DLG2: variants seen among roughly 807,000 people sequenced by gnomAD.
The protein encoded by DLG2 is disks large homolog 2.
In DLG2, 45 loss-of-function variants were observed where a neutral mutation model predicts 132.5. That is an observed-to-expected ratio of 0.34 (90% CI 0.27 to 0.44). The LOEUF (loss-of-function observed/expected upper bound fraction) is 0.44, where lower values mean the gene tolerates loss of function less well. DLG2 is among the 20% of genes least tolerant of loss of function. The pLI is 1.00. For synonymous variants in DLG2, 424 were observed against 419.6 expected (o/e 1.01, Z -0.13); for missense variants, 1,045 against 1,196.9 (o/e 0.87, Z 1.87).
chr11:85,009,948 C>G (rs1320729650), intron 6 of DLG2, among the ~76,000 whole-genome samples: 1 of 152,096 alleles, frequency 6.6e-6, no homozygotes, highest in Non-Finnish European at 1.5e-5. Context: ...ATCCTTTGTA[C>G]ACATGTAGGT....
At chr11:83,722,309 A>T (rs959672382) in intron 18 of DLG2, among the ~76,000 whole-genome samples, 11 of 152,178 alleles carry the variant, frequency 7.2e-5, no homozygotes, top group Non-Finnish European at 1.6e-4. Flanking sequence ...AAGCATAAGA[A>T]GACATGGTCC....
At chr11:85,361,040 C>CT (rs1158469059) in intron 3 of DLG2, among the ~76,000 whole-genome samples, 2 of 152,050 alleles carry the variant, frequency 1.3e-5, no homozygotes, top group African/African-American at 4.8e-5. Flanking sequence ...AAATCTTCTT[C>CT]TTTTTTATGG....
At chr11:84,138,647 A>T (rs531105972) in intron 9 of DLG2, among the ~76,000 whole-genome samples, 3 of 152,192 alleles carry the variant, frequency 2.0e-5, no homozygotes, top group Non-Finnish European at 4.4e-5. Flanking sequence ...ACATACTACA[A>T]CTAGGAAACA....
chr11:84,027,799 C>A (rs2095578424), intron 11 of DLG2, among the ~76,000 whole-genome samples: 1 of 152,098 alleles, frequency 6.6e-6, no homozygotes, highest in Middle Eastern at 3.4e-3. Flanking sequence ...TCCTTCATGG[C>A]AGTTCAGAGT....
chr11:84,116,114 G>A (rs566903273), intron 9 of DLG2, among the ~76,000 whole-genome samples: 1 of 152,326 alleles, frequency 6.6e-6, no homozygotes, highest in East Asian at 1.9e-4. Flanking sequence ...CAGTGCAAGA[G>A]CACTGGCAAG....
At chr11:84,488,974 C>T (rs888140913) in intron 7 of DLG2, among the ~76,000 whole-genome samples, 13 of 152,156 alleles carry the variant, frequency 8.5e-5, no homozygotes, top group African/African-American at 1.7e-4. Context: ...TGAGATCTAA[C>T]TCACCACAAC....
intron 6 of DLG2, among the ~76,000 whole-genome samples, chr11:84,920,901 A>G (rs1021583175): frequency 5.3e-5 from 8 of 152,150 alleles, no homozygotes; most frequent in African/African-American, 1.9e-4. Context: ...TGCAGAGAAA[A>G]AAAAGACGAA....
intron 10 of DLG2, among the ~76,000 whole-genome samples, chr11:84,062,586 A>G (rs904347507): frequency 2.6e-5 from 4 of 152,216 alleles, no homozygotes; most frequent in Admixed American, 2.6e-4. Flanking sequence ...AACAATTTAT[A>G]AAGTATGGAT....
At chr11:83,871,051 G>A (rs902442678) in intron 16 of DLG2, among the ~76,000 whole-genome samples, 1 of 152,204 alleles carries the variant, frequency 6.6e-6, no homozygotes, top group African/African-American at 2.4e-5. Context: ...CTGTTGCAAA[G>A]AAATATAATG....
At chr11:84,414,558 TC>T (rs2098922274) in intron 7 of DLG2, among the ~76,000 whole-genome samples, 1 of 152,200 alleles carries the variant, frequency 6.6e-6, no homozygotes, top group Admixed American at 6.5e-5. Flanking sequence ...CTGAACGTTT[TC>T]CTCCCTAGAT....
At chr11:83,753,835 GATATATA>G (rs1566831597) in intron 18 of DLG2, among the ~76,000 whole-genome samples, 1 of 18,350 alleles carries the variant, frequency 5.4e-5, no homozygotes, top group African/African-American at 6.0e-4. Flanking sequence ...ATATATATAT[GATATATA>G]TCATATATAT....
intron 14 of DLG2, among the ~76,000 whole-genome samples, chr11:83,946,451 T>C (rs914755333): frequency 2.0e-5 from 3 of 152,192 alleles, no homozygotes; most frequent in Admixed American, 6.5e-5. Flanking sequence ...AGATCTGGCA[T>C]GGGGCTAAGG....
At chr11:84,355,707 T>C (rs1443793006) in intron 7 of DLG2, among the ~76,000 whole-genome samples, 2 of 152,026 alleles carry the variant, frequency 1.3e-5, no homozygotes, top group Admixed American at 1.3e-4. Context: ...GAATCAGAAA[T>C]TTTAAAAAAA....
At chr11:84,149,321 G>C (rs2095211776) in intron 9 of DLG2, among the ~76,000 whole-genome samples, 1 of 151,908 alleles carries the variant, frequency 6.6e-6, no homozygotes, top group Non-Finnish European at 1.5e-5. Context: ...GTATTTCTTG[G>C]GCTTTCTTTT....
chr11:85,491,328 A>C (rs1244006661), intron 3 of DLG2, among the ~76,000 whole-genome samples: 1 of 152,172 alleles, frequency 6.6e-6, no homozygotes, highest in East Asian at 1.9e-4. Flanking sequence ...AATAGGAAAA[A>C]GATGAAAGCA....
chr11:85,425,638 A>G (rs1036516621), intron 3 of DLG2, among the ~76,000 whole-genome samples: 6 of 152,140 alleles, frequency 3.9e-5, no homozygotes, highest in Non-Finnish European at 7.3e-5. Flanking sequence ...ATAATTCTAA[A>G]CAAGAAAAAA....
intron 7 of DLG2, among the ~76,000 whole-genome samples, chr11:84,416,802 ATTG>A (rs558825318): frequency 2.0e-5 from 3 of 152,356 alleles, no homozygotes; most frequent in African/African-American, 7.2e-5. Context: ...CAATTAAAAG[ATTG>A]TTATTATCAA....
chr11:85,159,819 T>G (rs956272501), intron 4 of DLG2, among the ~76,000 whole-genome samples: 8 of 152,190 alleles, frequency 5.3e-5, no homozygotes, highest in Admixed American at 4.6e-4. Context: ...GTATATCAAC[T>G]CTCCAGCTCT....
At chr11:85,429,664 T>C (rs992401332) in intron 3 of DLG2, among the ~76,000 whole-genome samples, 2 of 152,138 alleles carry the variant, frequency 1.3e-5, no homozygotes, top group African/African-American at 2.4e-5. Flanking sequence ...TGAGATACCA[T>C]CTCACGCCAG....
Sources: gnomAD v4.1 joint callset for allele counts (sites outside exome capture counted in the v4.1 genomes callset) on GRCh38, gnomAD v4.1.1 for gene constraint, MANE v1.5 for transcripts, NCBI Gene and HGNC (gene_info 2026-07-23, HGNC 2026-07-21) for gene names.